The following ADAM9 variants were observed in gnomAD, a reference collection of about 807,000 sequenced individuals.
ADAM9 encodes the protein disintegrin and metalloproteinase domain-containing protein 9.
In ADAM9, 54 loss-of-function variants were observed where a neutral mutation model predicts 108.1. That is an observed-to-expected ratio of 0.50 (90% CI 0.40 to 0.63). The LOEUF (loss-of-function observed/expected upper bound fraction) is 0.63, where lower values mean the gene tolerates loss of function less well. ADAM9 is among the 20% of genes least tolerant of loss of function. The pLI, the probability that ADAM9 is intolerant of heterozygous loss-of-function variation, is 0.00. For missense variants in ADAM9, 830 were observed against 997.7 expected (o/e 0.83, Z 2.26); for synonymous variants, 316 against 336.0 (o/e 0.94, Z 0.65).
chr8:39,041,801 A>G, intron 11 of ADAM9, 145 bp from the exon 12 acceptor site: 1 of 691,204 alleles, frequency 1.4e-6, no homozygotes, highest in South Asian at 1.8e-5. Context: ...TCACAAGTAG[A>G]TATGAATTCT....
chr8:39,039,313 C>G (rs1026606423), intron 11 of ADAM9, among the ~76,000 whole-genome samples: 8 of 152,102 alleles, frequency 5.3e-5, no homozygotes, highest in African/African-American at 1.9e-4. Context: ...TTAAGATGTA[C>G]AACATGTTTT....
At chr8:39,059,318 A>G (rs1192172880) in intron 14 of ADAM9, among the ~76,000 whole-genome samples, 4 of 152,188 alleles carry the variant, frequency 2.6e-5, no homozygotes, top group African/African-American at 4.8e-5. Context: ...GAAAAATGTA[A>G]TCAACCTGCC....
intron 9 of ADAM9, among the ~76,000 whole-genome samples, chr8:39,023,625 T>A (rs1836819480): frequency 6.6e-6 from 1 of 152,092 alleles, no homozygotes; most frequent in Non-Finnish European, 1.5e-5. Context: ...TGTCTGAAAA[T>A]ATGGTTTCCC....
chr8:39,061,179 T>C (rs1245568165), intron 14 of ADAM9, among the ~76,000 whole-genome samples: 1 of 152,242 alleles, frequency 6.6e-6, no homozygotes, highest in African/African-American at 2.4e-5. Context: ...GGTATTGCTT[T>C]TGGCTTACTA....
chr8:39,056,765 T>C (rs1338024912), intron 14 of ADAM9, among the ~76,000 whole-genome samples: 2 of 152,174 alleles, frequency 1.3e-5, no homozygotes, highest in Non-Finnish European at 2.9e-5. Flanking sequence ...TGCCTTGAGT[T>C]GATTAGTGGC....
intron 4 of ADAM9, chr8:39,014,692 A>G (rs1164816184): frequency 1.6e-6 from 1 of 610,664 alleles, no homozygotes; most frequent in Admixed American, 2.7e-5. Flanking sequence ...AATGGTTTTC[A>G]TGAGAAATCT....
At chr8:39,067,353 T>C (rs994064270) in intron 14 of ADAM9, among the ~76,000 whole-genome samples, 1 of 152,230 alleles carries the variant, frequency 6.6e-6, no homozygotes, top group Non-Finnish European at 1.5e-5. Context: ...AGTATGGCCA[T>C]TTTCACGATA....
intron 12 of ADAM9, among the ~76,000 whole-genome samples, chr8:39,043,540 C>G (rs555175295): frequency 6.6e-6 from 1 of 152,044 alleles, no homozygotes; most frequent in African/African-American, 2.4e-5. Context: ...CATTGAGCAT[C>G]TTTTCATATA....
intron 12 of ADAM9, among the ~76,000 whole-genome samples, chr8:39,045,566 G>GTATATATATA (rs1302559064): frequency 3.4e-5 from 2 of 58,350 alleles, no homozygotes; most frequent in African/African-American, 1.4e-4. Context: ...ATATGTGTGT[G>GTATATATATA]TGTGTATATA....
chr8:39,032,211 A>T (rs1837118463), intron 11 of ADAM9, among the ~76,000 whole-genome samples: 1 of 152,248 alleles, frequency 6.6e-6, no homozygotes, highest in Non-Finnish European at 1.5e-5. Context: ...CAGAGCTGTC[A>T]GACAGGGACG....
chr8:39,090,337 A>C, intron 19 of ADAM9, 149 bp downstream of exon 19: 1 of 652,706 alleles, frequency 1.5e-6, no homozygotes, highest in South Asian at 2.1e-5. Context: ...CACCCAGTTA[A>C]TTTTTATATT....
chr8:39,095,931 T>TG (rs1357585046), intron 20 of ADAM9, among the ~76,000 whole-genome samples: 3 of 152,198 alleles, frequency 2.0e-5, no homozygotes, highest in Non-Finnish European at 2.9e-5. Context: ...ATGTAAGTAT[T>TG]GCTATCCTTG....
chr8:39,073,821 T>C, intron 15 of ADAM9, among the ~76,000 whole-genome samples: 1 of 152,176 alleles, frequency 6.6e-6, no homozygotes, highest in Non-Finnish European at 1.5e-5. Flanking sequence ...TACTGAGTCA[T>C]TTAGGAAGCA....
At chr8:39,074,931 G>A (rs1353322261) in intron 15 of ADAM9, among the ~76,000 whole-genome samples, 1 of 121,828 alleles carries the variant, frequency 8.2e-6, no homozygotes, top group East Asian at 2.6e-4. Context: ...TTTTTGAGTA[G>A]AGCCTCACTC....
chr8:39,103,414 T>C (rs1000412595), intron 21 of ADAM9, among the ~76,000 whole-genome samples, 193 bp from the exon 22 acceptor site: 1 of 152,064 alleles, frequency 6.6e-6, no homozygotes, highest in Non-Finnish European at 1.5e-5. Context: ...TTATTTAAAG[T>C]AGTTATTCCA....
At chr8:39,026,453 AGTGGT>A (rs1267400014) in intron 10 of ADAM9, among the ~76,000 whole-genome samples, 6 of 152,224 alleles carry the variant, frequency 3.9e-5, no homozygotes, top group African/African-American at 1.4e-4. Flanking sequence ...TTGGTGCTAA[AGTGGT>A]TGACCTCTTG....
intron 14 of ADAM9, among the ~76,000 whole-genome samples, chr8:39,064,119 T>C (rs531586638): frequency 8.4e-4 from 128 of 152,332 alleles, no homozygotes; most frequent in African/African-American, 3.0e-3. Context: ...GAAGGCATCA[T>C]ATACATAGTT....
At chr8:39,027,818 A>T (rs1836970164) in intron 11 of ADAM9, among the ~76,000 whole-genome samples, 1 of 152,172 alleles carries the variant, frequency 6.6e-6, no homozygotes, top group African/African-American at 2.4e-5. Flanking sequence ...CTGGTGGCTC[A>T]TGCCTATAAT....
intron 4 of ADAM9, chr8:39,015,232 T>TA (rs1244076191): frequency 6.6e-6 from 1 of 152,246 alleles, no homozygotes; most frequent in African/African-American, 2.4e-5. Flanking sequence ...TAATAATAGT[T>TA]ACCACTTTAT....
Sources: allele counts gnomAD v4.1 joint callset (sites outside exome capture counted in the v4.1 genomes callset), GRCh38; gene constraint gnomAD v4.1.1; transcripts MANE v1.5; gene names NCBI Gene and HGNC (gene_info 2026-07-23, HGNC 2026-07-21).